Variants in NXPH1 observed in about 807,000 individuals in gnomAD.
The protein encoded by NXPH1 is neurexophilin-1.
NXPH1 carries 5 observed loss-of-function variants against 23.7 expected under a neutral mutation model. The ratio of observed to expected loss-of-function variants is 0.21; its 90% CI spans 0.11 to 0.44. The LOEUF (loss-of-function observed/expected upper bound fraction) is 0.44. NXPH1 is among the 20% of genes least tolerant of loss of function. NXPH1 has a pLI of 0.99. For synonymous variants in NXPH1, 144 were observed against 122.2 expected (o/e 1.18, Z -1.18); for missense variants, 324 against 321.6 (o/e 1.01, Z -0.06).
intron 2 of NXPH1, among the ~76,000 whole-genome samples, chr7:8,572,667 A>G (rs895298767): frequency 5.3e-5 from 8 of 151,994 alleles, no homozygotes; most frequent in African/African-American, 1.4e-4. Context: ...ATCAAACTCT[A>G]TTGCAGGTAG....
At position 8,752,035 on chromosome 7, in the gene NXPH1, C is replaced by T. The variant is rs757697842; in HGVS notation, c.*266C>T. On this transcript the variant is annotated 3_prime_UTR_variant, in exon 3 of 3. Coordinates refer to ENST00000405863, the MANE Select transcript of NXPH1 (RefSeq NM_152745.3). ...CACATATAGAGGTACACAAACACAC[C>T]GTCATGCACATTTCAGCTTGCGTCT... is the stretch of plus-strand genomic sequence containing the variant. 3 of 360,520 alleles carry T rather than the reference C, an allele frequency of 8.3e-6. No homozygotes were observed. Among genetic ancestry groups the T allele is most frequent in the East Asian group, 4.2e-5 (1 of 23,542 alleles). 22.3% of individuals were successfully genotyped at this position (360,520 alleles called of 1,614,324 possible). A position where few individuals can be genotyped will look rare whatever the true frequency, so the allele number is the denominator to read the frequency against.
At chr7:8,472,005 A>G (rs2128608490) in intron 2 of NXPH1, among the ~76,000 whole-genome samples, 1 of 151,792 alleles carries the variant, frequency 6.6e-6, no homozygotes, top group East Asian at 1.9e-4. Flanking sequence ...AAAATTTAAA[A>G]TATAAATAAT....
rs559282674 is a variant in NXPH1, at chr7:8,497,121, C to G, written c.54+61354C>G. 6.6e-5 allele frequency among the ~76,000 whole-genome samples: 10 copies of G among 152,228 alleles called. No individual in the cohort carries two copies. The South Asian group carries it at 1.7e-3, about 25-fold the overall frequency. The stretch of plus-strand genomic sequence containing the variant: ...GTGAGAACGTGCAGTGTTTGGTTTT[C>G]TGTCCTTGCGATAGTTTTCTCAGAA... On this transcript the variant is annotated intron_variant, in intron 2 of 2. Coordinates refer to ENST00000405863, the MANE Select transcript of NXPH1 (RefSeq NM_152745.3).
chr7:8,524,071 C>T (rs1283470424), intron 2 of NXPH1, among the ~76,000 whole-genome samples: 1 of 151,840 alleles, frequency 6.6e-6, no homozygotes, highest in African/African-American at 2.4e-5. Flanking sequence ...GGTGAAACCC[C>T]TTCTCTACTA....
At chr7:8,470,399 A>C (rs775861308) in intron 2 of NXPH1, among the ~76,000 whole-genome samples, 4 of 152,168 alleles carry the variant, frequency 2.6e-5, no homozygotes, top group Non-Finnish European at 5.9e-5. Flanking sequence ...AATTTTTTGA[A>C]ATAATTTTCC....
chr7:8,704,935 C>T (rs1779680738), intron 2 of NXPH1, among the ~76,000 whole-genome samples: 1 of 152,074 alleles, frequency 6.6e-6, no homozygotes, highest in Non-Finnish European at 1.5e-5. Flanking sequence ...CCTTCAAGTT[C>T]TGCCCAAAAG....
intron 2 of NXPH1, among the ~76,000 whole-genome samples, chr7:8,698,512 C>A (rs1020657429): frequency 5.3e-5 from 8 of 152,082 alleles, no homozygotes; most frequent in African/African-American, 1.9e-4. Context: ...ATTGATTGCT[C>A]TATGTATAGG....
At chr7:8,533,463 G>A (rs931283472) in intron 2 of NXPH1, among the ~76,000 whole-genome samples, 1 of 152,044 alleles carries the variant, frequency 6.6e-6, no homozygotes, top group East Asian at 1.9e-4. Flanking sequence ...AACATTAGGT[G>A]ACATATAGGA....
intron 2 of NXPH1, among the ~76,000 whole-genome samples, chr7:8,544,729 T>C (rs1282907909): frequency 6.6e-5 from 10 of 151,686 alleles, no homozygotes; most frequent in Non-Finnish European, 1.3e-4. Context: ...GAGCATTATG[T>C]TATGGTATAA....
At chr7:8,648,875 G>A in intron 2 of NXPH1, among the ~76,000 whole-genome samples, 1 of 151,978 alleles carries the variant, frequency 6.6e-6, no homozygotes, top group South Asian at 2.1e-4. Flanking sequence ...AAAAATTTTT[G>A]TTTTATATAA....
chr7:8,679,258 A>T (rs1039900744), intron 2 of NXPH1, among the ~76,000 whole-genome samples: 1 of 151,798 alleles, frequency 6.6e-6, no homozygotes, highest in African/African-American at 2.4e-5. Context: ...GCTTTATCCA[A>T]TTCTTATTGG....
chr7:8,669,598 G>A lies in NXPH1; in HGVS notation c.55-81410G>A, dbSNP rs548366536. On this transcript the variant is annotated intron_variant, in intron 2 of 2. Transcript: ENST00000405863. ...GGGTGAACCTGGTGTTGGAGTACAA[G>A]GCAAAGTCTTGGCACCAACTCTGAG... Among the ~76,000 whole-genome samples, 5 of 152,196 alleles carry A rather than the reference G, an allele frequency of 3.3e-5. No homozygotes were observed. In the South Asian group the frequency reaches 1.0e-3, roughly 32 times the overall value.
chr7:8,510,188 G>A (rs902291269), intron 2 of NXPH1, among the ~76,000 whole-genome samples: 5 of 152,142 alleles, frequency 3.3e-5, no homozygotes, highest in African/African-American at 1.2e-4. Flanking sequence ...GGTGCCTGGG[G>A]AGGCCAGAGA....
rs181247363 is a variant in NXPH1 at position 8,731,957 on chromosome 7, G to A, written c.55-19051G>A. On this transcript the variant is annotated intron_variant, in intron 2 of 2. Coordinates refer to ENST00000405863, the MANE Select transcript of NXPH1 (RefSeq NM_152745.3). ...CCCCCGGCCTTGCTGCTGCCTTGCAGTTTGATCTCAGACTGCTGTGCTAGC... is the reference window on the plus strand; with the variant it reads ...CCCCCGGCCTTGCTGCTGCCTTGCAATTTGATCTCAGACTGCTGTGCTAGC... 5.3e-5 allele frequency among the ~76,000 whole-genome samples: 8 copies of A among 152,334 alleles called. No individual in the cohort carries two copies. The East Asian group carries it at 1.5e-3, about 29-fold the overall frequency.
At chr7:8,600,301 G>A (rs949061650) in intron 2 of NXPH1, among the ~76,000 whole-genome samples, 1 of 152,124 alleles carries the variant, frequency 6.6e-6, no homozygotes, top group Non-Finnish European at 1.5e-5. Context: ...TTGGAAACCT[G>A]AAATCCCAAT....
At chr7:8,544,572 G>A (rs1051645064) in intron 2 of NXPH1, among the ~76,000 whole-genome samples, 5 of 151,642 alleles carry the variant, frequency 3.3e-5, no homozygotes, top group Admixed American at 2.0e-4. Context: ...AGTGAAGTTA[G>A]GAGTGCAGTG....
At chr7:8,494,044 A>G (rs1398305847) in intron 2 of NXPH1, among the ~76,000 whole-genome samples, 3 of 152,012 alleles carry the variant, frequency 2.0e-5, no homozygotes, top group Non-Finnish European at 4.4e-5. Flanking sequence ...TTTCTTATGT[A>G]TAGTATCCTA....
intron 2 of NXPH1, among the ~76,000 whole-genome samples, chr7:8,503,918 C>G (rs1421581223): frequency 6.6e-6 from 1 of 152,008 alleles, no homozygotes; most frequent in Non-Finnish European, 1.5e-5. Flanking sequence ...ACTATTCCCT[C>G]AGTTCAGCCT....
chr7:8,708,477 T>C (rs563946696), intron 2 of NXPH1, among the ~76,000 whole-genome samples: 79 of 152,116 alleles, frequency 5.2e-4, no homozygotes, highest in Admixed American at 1.9e-3. Flanking sequence ...TCTCTTGCCT[T>C]AGCCTCCCGT....
Sources: gnomAD v4.1 joint callset for allele counts (sites outside exome capture counted in the v4.1 genomes callset) on GRCh38, gnomAD v4.1.1 for gene constraint, MANE v1.5 for transcripts, NCBI Gene and HGNC (gene_info 2026-07-23, HGNC 2026-07-21) for gene names.